Variants in HTR1E observed in about 807,000 individuals in gnomAD.
HTR1E encodes the protein 5-HT-1E.
Under a neutral mutation model 3.4 loss-of-function variants are expected in HTR1E, and 3 were observed. That is an observed-to-expected ratio of 0.89 (90% CI 0.41 to 2.31). HTR1E has a LOEUF of 2.31. Among genes scored for constraint, HTR1E ranks in the 30% most tolerant of loss-of-function variants. The probability of loss-of-function intolerance (pLI) is 0.05; values close to 1 mark genes in which losing one functional copy is unlikely to be tolerated. For synonymous variants in HTR1E, 170 were observed against 182.8 expected, an observed-to-expected ratio of 0.93 and a Z score of 0.56; for missense variants, 392 against 467.0, an observed-to-expected ratio of 0.84 and a Z score of 1.48.
intron 1 of HTR1E, among the ~76,000 whole-genome samples, chr6:87,010,471 G>A (rs1201310096): frequency 2.6e-5 from 4 of 151,080 alleles, no homozygotes; most frequent in Non-Finnish European, 5.9e-5. Context: ...TCCCAGACGG[G>A]GTCTCGGCCG....
chr6:86,954,388 A>G (rs1441145990), intron 1 of HTR1E, among the ~76,000 whole-genome samples: 1 of 152,160 alleles, frequency 6.6e-6, no homozygotes, highest in East Asian at 1.9e-4. Flanking sequence ...TGCCCCACAA[A>G]TCCCCAGTGT....
At chr6:86,944,489 A>C (rs947126178) in intron 1 of HTR1E, among the ~76,000 whole-genome samples, 2 of 152,246 alleles carry the variant, frequency 1.3e-5, no homozygotes, top group Non-Finnish European at 2.9e-5. Context: ...GCTCTATACA[A>C]TATCAAGATT....
chr6:86,960,609 G>T (rs1767392116), intron 1 of HTR1E, among the ~76,000 whole-genome samples: 1 of 152,194 alleles, frequency 6.6e-6, no homozygotes, highest in South Asian at 2.1e-4. Context: ...GGTGGGGGAA[G>T]TGAATCAGGA....
At chr6:86,967,630 G>A (rs1436450337) in intron 1 of HTR1E, among the ~76,000 whole-genome samples, 1 of 152,128 alleles carries the variant, frequency 6.6e-6, no homozygotes, top group Non-Finnish European at 1.5e-5. Context: ...AGAGAGGAAA[G>A]CTTAGGATCA....
chr6:86,940,378 A>G (rs1768530241), intron 1 of HTR1E, among the ~76,000 whole-genome samples: 1 of 152,134 alleles, frequency 6.6e-6, no homozygotes, highest in Non-Finnish European at 1.5e-5. Flanking sequence ...TCTACAAAAA[A>G]ATTTAAAATG....
intron 1 of HTR1E, among the ~76,000 whole-genome samples, chr6:86,946,830 A>C (rs1377235122): frequency 6.6e-6 from 1 of 152,182 alleles, no homozygotes; most frequent in Non-Finnish European, 1.5e-5. Flanking sequence ...ATTAAAATGC[A>C]CAGAGGCCGG....
intron 1 of HTR1E, among the ~76,000 whole-genome samples, chr6:86,972,994 A>G (rs1240229967): frequency 7.2e-5 from 11 of 152,206 alleles, no homozygotes; most frequent in Non-Finnish European, 2.9e-5. Flanking sequence ...TGAACACAGA[A>G]GCACGTTCTA....
At chr6:86,948,739 A>T (rs1767162725) in intron 1 of HTR1E, among the ~76,000 whole-genome samples, 1 of 152,042 alleles carries the variant, frequency 6.6e-6, no homozygotes, top group Non-Finnish European at 1.5e-5. Context: ...TCTCCAGGGC[A>T]CTGTGATTGG....
At chr6:87,006,941 G>A (rs1056066392) in intron 1 of HTR1E, among the ~76,000 whole-genome samples, 2 of 152,118 alleles carry the variant, frequency 1.3e-5, no homozygotes, top group Non-Finnish European at 2.9e-5. Flanking sequence ...AAGGAGGCAG[G>A]AAGAGCATTA....
intron 1 of HTR1E, 81 bp downstream of exon 1, chr6:86,937,904 G>A (rs1768492680): frequency 6.5e-6 from 1 of 152,872 alleles, no homozygotes; most frequent in Non-Finnish European, 1.5e-5. Flanking sequence ...CTCTGGCTTG[G>A]GGATGTTTGC....
intron 1 of HTR1E, among the ~76,000 whole-genome samples, chr6:87,010,125 T>C (rs1582285101): frequency 9.4e-6 from 1 of 105,846 alleles, no homozygotes; most frequent in African/African-American, 3.8e-5. Context: ...CACTTCCCAG[T>C]AGGGGCGGCC....
chr6:86,954,716 G>C (rs1767296859), intron 1 of HTR1E, among the ~76,000 whole-genome samples: 1 of 152,168 alleles, frequency 6.6e-6, no homozygotes, highest in South Asian at 2.1e-4. Context: ...CTGTTACCAA[G>C]TCAGTGCCAG....
intron 1 of HTR1E, among the ~76,000 whole-genome samples, chr6:86,942,512 G>C (rs1310295530): frequency 6.6e-6 from 1 of 152,054 alleles, no homozygotes; most frequent in African/African-American, 2.4e-5. Context: ...AAAGAAGCAT[G>C]ATTTCCTCTT....
At chr6:87,003,431 T>C (rs1374328548) in intron 1 of HTR1E, among the ~76,000 whole-genome samples, 2 of 151,826 alleles carry the variant, frequency 1.3e-5, no homozygotes, top group African/African-American at 2.4e-5. Context: ...CCCAGCTACT[T>C]GAGAGGCTAA....
chr6:86,980,259 C>A (rs546399300), intron 1 of HTR1E, among the ~76,000 whole-genome samples: 1 of 151,858 alleles, frequency 6.6e-6, no homozygotes, highest in Admixed American at 6.6e-5. Flanking sequence ...TGGTGGCGGG[C>A]GCCTGTAGTC....
chr6:86,992,462 G>T (rs1165299646), intron 1 of HTR1E, among the ~76,000 whole-genome samples: 1 of 152,146 alleles, frequency 6.6e-6, no homozygotes, highest in Non-Finnish European at 1.5e-5. Context: ...ACGTGAACTG[G>T]ACTGACAAAT....
At chr6:86,994,994 T>C (rs1406442965) in intron 1 of HTR1E, among the ~76,000 whole-genome samples, 1 of 151,988 alleles carries the variant, frequency 6.6e-6, no homozygotes, top group Non-Finnish European at 1.5e-5. Context: ...CCAAAAACAC[T>C]AAAAGTAAAT....
intron 1 of HTR1E, among the ~76,000 whole-genome samples, chr6:86,942,092 G>A (rs979650213): frequency 4.6e-5 from 7 of 152,136 alleles, no homozygotes; most frequent in Admixed American, 6.5e-5. Flanking sequence ...TTTATATTAC[G>A]CTTGTACACT....
Position 87,015,467 on chromosome 6 carries a change from A to G in HTR1E, c.133A>G (p.Met45Val), listed in dbSNP as rs1339127995. The G allele has an allele frequency of 5.6e-6, 9 of 1,614,018 alleles. No individual in the cohort carries two copies. Among genetic ancestry groups the G allele is most frequent in the Non-Finnish European group, 6.8e-6 (8 of 1,179,980 alleles). The change falls in exon 2 of 2, where the codon ATG becomes GTG. Residue 45 changes from methionine to valine, a missense_variant. Met to Val is a conservative substitution (Grantham distance 21). Coordinates refer to ENST00000305344, the MANE Select transcript of HTR1E (RefSeq NM_000865.3). ...CACGTTGCTGAACTTGGCTGTGATC[A>G]TGGCTATTGGCACCACCAAGAAGCT... ...LTTLLNLAVI[M>V]AIGTTKKLHQ...
Sources: gnomAD v4.1 joint callset for allele counts (sites outside exome capture counted in the v4.1 genomes callset) on GRCh38, gnomAD v4.1.1 for gene constraint, MANE v1.5 for transcripts, NCBI Gene and HGNC (gene_info 2026-07-23, HGNC 2026-07-21) for gene names.